Variants in GARRE1 observed in about 807,000 individuals in gnomAD.
The protein encoded by GARRE1 is granule associated Rac and RHOG effector protein 1.
In GARRE1, 49 loss-of-function variants were observed where a neutral mutation model predicts 103.2. The observed-to-expected ratio is 0.47, with a 90% confidence interval of 0.38 to 0.60. GARRE1 has a LOEUF of 0.60. Ranked by LOEUF, GARRE1 falls within the 20% of genes least tolerant of loss-of-function variation. The probability of loss-of-function intolerance (pLI) is 0.00; values close to 1 mark genes in which losing one functional copy is unlikely to be tolerated. For missense variants in GARRE1, 1,199 were observed against 1,370.5 expected, an observed-to-expected ratio of 0.87 and a Z score of 1.98; for synonymous variants, 505 against 532.8, an observed-to-expected ratio of 0.95 and a Z score of 0.72.
At chr19:34,328,528 A>T (rs138986899) in intron 6 of GARRE1, among the ~76,000 whole-genome samples, 2 of 10,680 alleles carry the variant, frequency 1.9e-4, no homozygotes, top group African/African-American at 1.5e-3. Context: ...ACTCTGTCTT[A>T]AAAAAAAAAA....
At chr19:34,294,485 G>A (rs1254679706) in intron 1 of GARRE1, among the ~76,000 whole-genome samples, 2 of 151,420 alleles carry the variant, frequency 1.3e-5, no homozygotes, top group African/African-American at 4.8e-5. Flanking sequence ...TTAATATTCT[G>A]TTTTGGGAGA....
Position 34,257,214 on chromosome 19 carries a change from G to A in GARRE1, c.-796+2600G>A, listed in dbSNP as rs75439818. Among the ~76,000 whole-genome samples the A allele has an allele frequency of 7.3e-3, 1,099 of 150,544 alleles. 14 individuals are homozygous for A. Among genetic ancestry groups the A allele is most frequent in the Middle Eastern group, 0.021 (6 of 292 alleles). ...TGATTCTGTGAAAATTTTAGTAAAT[G>A]TTTGTTCTGTTGAAAACCTATAGCC... On this transcript the variant is annotated intron_variant, in intron 1 of 13. Transcript: ENST00000299505.
chr19:34,321,269 G>A (rs2074087645), intron 3 of GARRE1, among the ~76,000 whole-genome samples: 1 of 132,544 alleles, frequency 7.5e-6, no homozygotes, highest in Non-Finnish European at 1.6e-5. Context: ...GTAGAGACAG[G>A]GTTTCATCGT....
At chr19:34,326,562 T>C (rs9676635) in intron 3 of GARRE1, among the ~76,000 whole-genome samples, 20,599 of 152,184 alleles carry the variant, frequency 0.14, 1,891 homozygotes, top group Non-Finnish European at 0.2. Context: ...ATAATAAATA[T>C]TTACTTTTCT....
chr19:34,302,926 G>A (rs901344780), intron 2 of GARRE1, among the ~76,000 whole-genome samples: 3 of 151,730 alleles, frequency 2.0e-5, no homozygotes, highest in African/African-American at 7.3e-5. Context: ...TTGTATTTTA[G>A]TAGAGATGGG....
intron 8 of GARRE1, among the ~76,000 whole-genome samples, chr19:34,335,493 T>C (rs2074156648): frequency 6.6e-6 from 1 of 152,204 alleles, no homozygotes; most frequent in East Asian, 1.9e-4. Flanking sequence ...ACTAAAATGG[T>C]AGTTGGGTAA....
chr19:34,333,398 A>G (rs925473119), intron 7 of GARRE1, among the ~76,000 whole-genome samples: 1 of 152,242 alleles, frequency 6.6e-6, no homozygotes, highest in Non-Finnish European at 1.5e-5. Context: ...AAAAAATACT[A>G]AGATAAAGGA....
At chr19:34,267,721 AT>A (rs564062363) in intron 1 of GARRE1, among the ~76,000 whole-genome samples, 51 of 144,844 alleles carry the variant, frequency 3.5e-4, no homozygotes, top group East Asian at 3.2e-3. Flanking sequence ...TAGACTGTTG[AT>A]TTTTTTTTTT....
At chr19:34,286,297 G>A (rs892704529) in intron 1 of GARRE1, among the ~76,000 whole-genome samples, 3 of 150,348 alleles carry the variant, frequency 2.0e-5, no homozygotes, top group Admixed American at 1.3e-4. Context: ...TCGGCTCACT[G>A]CAAGCTCTGC....
At chr19:34,349,302 C>G (rs1053718587) in intron 12 of GARRE1, 149 bp downstream of exon 12, 3 of 768,146 alleles carry the variant, frequency 3.9e-6, no homozygotes, top group Non-Finnish European at 6.2e-6. Flanking sequence ...GCTGAAGCCT[C>G]TGAAGAGCAC....
At chr19:34,302,151 C>T (rs374043150) in intron 2 of GARRE1, among the ~76,000 whole-genome samples, 10 of 151,334 alleles carry the variant, frequency 6.6e-5, no homozygotes, top group Middle Eastern at 3.4e-3. Context: ...CCACCATGCC[C>T]GGCTAATTTT....
intron 8 of GARRE1, among the ~76,000 whole-genome samples, chr19:34,339,494 G>A (rs1384585443): frequency 6.6e-6 from 1 of 152,166 alleles, no homozygotes; most frequent in African/African-American, 2.4e-5. Flanking sequence ...CACCAGCGTG[G>A]AAGCTCTCAG....
chr19:34,337,048 CTGT>C (rs2074164127), intron 8 of GARRE1, among the ~76,000 whole-genome samples: 1 of 129,142 alleles, frequency 7.7e-6, no homozygotes, highest in Admixed American at 7.7e-5. Flanking sequence ...AATTTTAGTT[CTGT>C]TTTTTTTTTT....
At chr19:34,306,125 G>T (rs970843564) in intron 2 of GARRE1, among the ~76,000 whole-genome samples, 1 of 152,190 alleles carries the variant, frequency 6.6e-6, no homozygotes, top group Non-Finnish European at 1.5e-5. Flanking sequence ...AGATGAAATG[G>T]CTAGGCATTT....
Position 34,321,050 on chromosome 19 carries a change from C to CTTTTTTTT in GARRE1, c.705+951_705+958dup, listed in dbSNP as rs33942697. ...TTAGCCACTGCACCCAGACAAGATT[C>CTTTTTTTT]TTTTTTTTTTTTTTTTTTTTTTTTG... On this transcript the variant is annotated intron_variant, in intron 3 of 13. Coordinates refer to ENST00000299505, the MANE Select transcript of GARRE1 (RefSeq NM_014686.5). Among the ~76,000 whole-genome samples the CTTTTTTTT allele has an allele frequency of 2.0e-4, 11 of 55,734 alleles. 1 individual carries two copies. The highest frequency in any genetic ancestry group is 2.6e-4 in the Non-Finnish European group (9 of 35,168). The allele number at this position is 55,734 out of a possible 152,430, so 36.6% of individuals were successfully genotyped here. A position where few individuals can be genotyped will look rare whatever the true frequency, so the allele number is the denominator to read the frequency against.
In GARRE1 at chr19:34,328,150, C is replaced by G. The variant is rs148991320; in HGVS notation, c.1103C>G (p.Thr368Arg). The change falls in exon 6 of 14, where the codon ACG becomes AGG. Residue 368 changes from threonine (T) to arginine (R), a missense_variant and splice_region_variant. By Grantham distance (71) the Thr-to-Arg change is moderately conservative (BLOSUM62 -1). Coordinates refer to ENST00000299505, the MANE Select transcript of GARRE1 (RefSeq NM_014686.5). Reference protein sequence around the residue: ...ESAADNLKLKTHTMLQLMKEA... With the variant: ...ESAADNLKLKRHTMLQLMKEA... ...GCCGCCGACAATCTGAAACTTAAGA[C>G]GGTAGCTTTCCATGGGGTTCCAGCA... 1 of 1,613,162 alleles carries G rather than the reference C, an allele frequency of 6.2e-7. No homozygotes were observed. The highest frequency in any genetic ancestry group is 8.5e-7 in the Non-Finnish European group (1 of 1,179,836).
intron 1 of GARRE1, among the ~76,000 whole-genome samples, chr19:34,261,444 A>T (rs574801430): frequency 6.6e-6 from 1 of 151,886 alleles, no homozygotes; most frequent in Non-Finnish European, 1.5e-5. Flanking sequence ...ATTAATCCCC[A>T]TGGAACTGCT....
At chr19:34,324,484 GAAA>G (rs1420950671) in intron 3 of GARRE1, among the ~76,000 whole-genome samples, 1 of 148,856 alleles carries the variant, frequency 6.7e-6, no homozygotes, top group Admixed American at 6.7e-5. Flanking sequence ...ATTTTTAACA[GAAA>G]AATATCACCA....
chr19:34,302,742 T>G (rs866910295), intron 2 of GARRE1, among the ~76,000 whole-genome samples: 18,976 of 145,086 alleles, frequency 0.13, 1,936 homozygotes, highest in African/African-American at 0.28. Flanking sequence ...GATAGTTTTT[T>G]TTTTTTTTTT....
Sources: gnomAD v4.1 joint callset for allele counts (sites outside exome capture counted in the v4.1 genomes callset) on GRCh38, gnomAD v4.1.1 for gene constraint, MANE v1.5 for transcripts, NCBI Gene and HGNC (gene_info 2026-07-23, HGNC 2026-07-21) for gene names.